Variants in ANTXR2 observed in about 807,000 individuals in gnomAD.
ANTXR2 encodes ANTXR cell adhesion molecule 2.
A neutral mutation model predicts 73.7 loss-of-function variants in ANTXR2; 44 were observed. The ratio of observed to expected loss-of-function variants is 0.60; its 90% CI spans 0.47 to 0.77. The LOEUF (loss-of-function observed/expected upper bound fraction) is 0.77. Ranked by LOEUF, ANTXR2 falls within the 30% of genes least tolerant of loss-of-function variation. The pLI is 0.00. For synonymous variants in ANTXR2, 217 were observed against 205.9 expected (o/e 1.05, Z -0.46); for missense variants, 604 against 592.5 (o/e 1.02, Z -0.20).
intron 14 of ANTXR2, among the ~76,000 whole-genome samples, chr4:79,982,933 A>G (rs1729953620): frequency 6.6e-6 from 1 of 152,126 alleles, no homozygotes; most frequent in Admixed American, 6.5e-5. Context: ...TGAAAAGGGG[A>G]AACTCTCCTT....
At chr4:80,039,804 C>T (rs1467009976) in intron 7 of ANTXR2, among the ~76,000 whole-genome samples, 1 of 151,816 alleles carries the variant, frequency 6.6e-6, no homozygotes, top group Non-Finnish European at 1.5e-5. Context: ...TAAATTCTTC[C>T]ACCAAAAAGC....
At chr4:80,024,743 A>G (rs1200614146) in intron 10 of ANTXR2, 3 of 439,702 alleles carry the variant, frequency 6.8e-6, no homozygotes, top group Non-Finnish European at 1.4e-5. Context: ...CCTGGGTGAC[A>G]GTGAGACCCC....
intron 16 of ANTXR2, among the ~76,000 whole-genome samples, chr4:79,976,826 A>G (rs552025295): frequency 3.9e-4 from 60 of 152,328 alleles, no homozygotes; most frequent in Middle Eastern, 3.4e-3. Flanking sequence ...AGATGAAGTT[A>G]AGAACTCTCC....
intron 11 of ANTXR2, among the ~76,000 whole-genome samples, chr4:80,016,263 C>T (rs1731866173): frequency 6.6e-6 from 1 of 152,022 alleles, no homozygotes; most frequent in African/African-American, 2.4e-5. Flanking sequence ...TTTTCTATTT[C>T]CAAGAATTCC....
chr4:79,989,880 A>G (rs993853503), intron 12 of ANTXR2, among the ~76,000 whole-genome samples: 2 of 152,062 alleles, frequency 1.3e-5, no homozygotes, highest in Admixed American at 1.3e-4. Context: ...AAAAACAAAA[A>G]CCACATGATC....
chr4:80,067,826 A>C (rs1734578951), intron 3 of ANTXR2, among the ~76,000 whole-genome samples: 1 of 152,178 alleles, frequency 6.6e-6, no homozygotes, highest in African/African-American at 2.4e-5. Context: ...GGAGGGGAAC[A>C]ACGCACACTG....
chr4:80,042,535 A>G (rs1227941700), intron 7 of ANTXR2, among the ~76,000 whole-genome samples: 1 of 151,932 alleles, frequency 6.6e-6, no homozygotes, highest in Admixed American at 6.6e-5. Flanking sequence ...AGACACACAC[A>G]GTTACTTCTT....
chr4:79,966,764 T>G (rs540524928), intron 16 of ANTXR2, among the ~76,000 whole-genome samples: 15 of 152,350 alleles, frequency 9.8e-5, no homozygotes, highest in African/African-American at 3.6e-4. Context: ...TTTTTATGTT[T>G]ACATTATTTT....
Position 79,906,586 on chromosome 4 carries a change from C to T in ANTXR2, c.*843G>A, listed in dbSNP as rs188905365. On this transcript the variant is annotated 3_prime_UTR_variant, in exon 17 of 17. Coordinates refer to ENST00000403729, the MANE Select transcript of ANTXR2 (RefSeq NM_058172.6). ...ATGGATATTAATGCTTTATGCACTA[C>T]TAAATCCTAAACACAGGAAAAGGGG... 1 of 152,660 alleles carries T rather than the reference C, an allele frequency of 6.6e-6. No individual in the cohort carries two copies. The highest frequency in any genetic ancestry group is 1.9e-4 in the East Asian group (1 of 5,176). 9.5% of individuals were successfully genotyped at this position (152,660 alleles called of 1,614,324 possible). A position where few individuals can be genotyped will look rare whatever the true frequency, so the allele number is the denominator to read the frequency against.
At position 80,061,012 on chromosome 4, in the gene ANTXR2, T is replaced by C. The variant is rs894179357; in HGVS notation, c.297-4999A>G. ...GCTGATACTGGCTGTTGCCTAGGAGTTCAGCTAAGACTGTTAACCAGAGTC... is the reference window on the plus strand; with the variant it reads ...GCTGATACTGGCTGTTGCCTAGGAGCTCAGCTAAGACTGTTAACCAGAGTC... On this transcript the variant is annotated intron_variant, in intron 3 of 16. Transcript: ENST00000403729. Among the ~76,000 whole-genome samples the C allele has an allele frequency of 2.0e-5, 3 of 151,858 alleles. No homozygotes were observed. In the East Asian group the frequency reaches 5.8e-4, roughly 30 times the overall value.
chr4:79,993,782 A>ACACACG (rs755550984), intron 12 of ANTXR2, among the ~76,000 whole-genome samples: 2 of 151,520 alleles, frequency 1.3e-5, no homozygotes, highest in African/African-American at 4.8e-5. Context: ...ACACACACAC[A>ACACACG]CATGCACTTT....
chr4:79,922,848 C>T (rs1727640269), intron 16 of ANTXR2, among the ~76,000 whole-genome samples: 1 of 151,888 alleles, frequency 6.6e-6, no homozygotes, highest in Non-Finnish European at 1.5e-5. Flanking sequence ...ATATTCTAAG[C>T]CAAAATGGCT....
At chr4:79,998,651 T>TGC (rs750100518) in intron 12 of ANTXR2, among the ~76,000 whole-genome samples, 9 of 152,056 alleles carry the variant, frequency 5.9e-5, no homozygotes, top group Non-Finnish European at 1.0e-4. Flanking sequence ...TAATGCCTCC[T>TGC]GCCTTTTTAA....
At chr4:80,048,702 T>C (rs961355082) in intron 7 of ANTXR2, among the ~76,000 whole-genome samples, 2 of 151,706 alleles carry the variant, frequency 1.3e-5, no homozygotes, top group African/African-American at 4.8e-5. Context: ...AAAATGTGTT[T>C]GCAATGTCTT....
chr4:80,055,343 C>T lies in ANTXR2; in HGVS notation c.486+17G>A. On this transcript the variant is annotated intron_variant, in intron 5 of 16. Transcript: ENST00000403729. ...TGTACAGTGGGGTGTAGAGAACAGTCTCAGTTCAATACTCACCTCTTTCTC... is the reference window on the plus strand; with the variant it reads ...TGTACAGTGGGGTGTAGAGAACAGTTTCAGTTCAATACTCACCTCTTTCTC... 1.9e-6 allele frequency: 3 copies of T among 1,597,578 alleles called. No homozygotes were observed. The highest frequency in any genetic ancestry group is 2.6e-6 in the Non-Finnish European group (3 of 1,166,952).
chr4:80,069,532 T>C (rs556574202), intron 2 of ANTXR2, 25 bp from the exon 3 acceptor site: 1 of 1,525,408 alleles, frequency 6.6e-7, no homozygotes, highest in South Asian at 1.2e-5. Flanking sequence ...AAGAGGCAGT[T>C]AAAACATTTT....
At chr4:79,996,328 T>TGGATGGAC (rs1339765171) in intron 12 of ANTXR2, among the ~76,000 whole-genome samples, 1 of 151,212 alleles carries the variant, frequency 6.6e-6, no homozygotes, top group Non-Finnish European at 1.5e-5. Flanking sequence ...TATGGATGGA[T>TGGATGGAC]GGATGGATGG....
chr4:80,034,050 A>G (rs1480835826), intron 8 of ANTXR2, among the ~76,000 whole-genome samples: 1 of 152,130 alleles, frequency 6.6e-6, no homozygotes, highest in Non-Finnish European at 1.5e-5. Context: ...CCTGTTCCAT[A>G]CAGAATTCTT....
chr4:79,921,296 C>T (rs1182827028), intron 16 of ANTXR2, among the ~76,000 whole-genome samples: 1 of 152,002 alleles, frequency 6.6e-6, no homozygotes, highest in Non-Finnish European at 1.5e-5. Flanking sequence ...TTGAGATTTT[C>T]CTAATGTATA....
Sources: gnomAD v4.1 joint callset for allele counts (sites outside exome capture counted in the v4.1 genomes callset) on GRCh38, gnomAD v4.1.1 for gene constraint, MANE v1.5 for transcripts, NCBI Gene and HGNC (gene_info 2026-07-23, HGNC 2026-07-21) for gene names.